Variants in DMD observed in about 807,000 individuals in gnomAD.
The protein encoded by DMD is mutant dystrophin.
A neutral mutation model predicts 330.1 loss-of-function variants in DMD; 63 were observed. That is an observed-to-expected ratio of 0.19 (90% CI 0.16 to 0.24). The LOEUF is 0.24. DMD is among the 10% of genes least tolerant of loss of function. The probability of loss-of-function intolerance (pLI) is 1.00; values close to 1 mark genes in which losing one functional copy is unlikely to be tolerated. For missense variants in DMD, 3,344 were observed against 2,684.1 expected (o/e 1.25, Z -5.43); for synonymous variants, 1,223 against 959.8 (o/e 1.27, Z -5.07).
chrX:32,336,046 ATATATAACGTTATATATAAC>A (rs2097712625), intron 41 of DMD, among the ~76,000 whole-genome samples: 1 of 36,594 alleles, frequency 2.7e-5, no homozygotes, highest in African/African-American at 7.3e-5. Context: ...TATAACGTGT[ATATATAACGTTATATATAAC>A]GTGTGTATAA....
chrX:31,956,930 G>C lies in DMD; in HGVS notation c.6614+11409C>G, dbSNP rs550172320. On this transcript the variant is annotated intron_variant, in intron 45 of 78. Transcript: ENST00000357033. ...GGGGGAAGTTCAGTTTTTGAATCTG[G>C]AATGAGTGACAGAATTATAAGGCAC... is the stretch of plus-strand genomic sequence containing the variant. Among the ~76,000 whole-genome samples the C allele has an allele frequency of 1.1e-4, 12 of 112,321 alleles. No homozygotes were observed. In the East Asian group the frequency reaches 2.8e-3, roughly 26 times the overall value.
At chrX:31,564,722 G>A (rs997058714) in intron 55 of DMD, among the ~76,000 whole-genome samples, 1 of 111,866 alleles carries the variant, frequency 8.9e-6, no homozygotes, top group Non-Finnish European at 1.9e-5. Context: ...CTTTCTGTGT[G>A]GAAAGTTATA....
intron 1 of DMD, among the ~76,000 whole-genome samples, chrX:33,023,981 A>C (rs778583654): frequency 8.9e-6 from 1 of 111,743 alleles, no homozygotes; most frequent in Non-Finnish European, 1.9e-5. Flanking sequence ...CTAAAATTTT[A>C]TACGTATTTA....
chrX:31,548,263 C>T (rs747351497), intron 55 of DMD, among the ~76,000 whole-genome samples: 12 of 111,670 alleles, frequency 1.1e-4, no homozygotes, highest in South Asian at 7.6e-4. Context: ...GAATCGCAGG[C>T]CTTGCCACAG....
intron 11 of DMD, among the ~76,000 whole-genome samples, chrX:32,629,347 T>C (rs938800630): frequency 8.9e-6 from 1 of 111,938 alleles, no homozygotes; most frequent in African/African-American, 3.2e-5. Context: ...TGTTCTTTTT[T>C]GGTTTCGATT....
chrX:32,610,728 C>CTA (rs1447197237), intron 12 of DMD, among the ~76,000 whole-genome samples: 2 of 110,303 alleles, frequency 1.8e-5, no homozygotes, highest in African/African-American at 6.6e-5. Context: ...GATTTAATGT[C>CTA]TATCTACACA....
At chrX:32,906,545 G>A (rs779030749) in intron 2 of DMD, among the ~76,000 whole-genome samples, 1 of 112,215 alleles carries the variant, frequency 8.9e-6, no homozygotes, top group East Asian at 2.8e-4. Flanking sequence ...CTAAGACAGA[G>A]CTAGCTTGCC....
At chrX:32,735,729 C>A (rs1383707184) in intron 7 of DMD, among the ~76,000 whole-genome samples, 1 of 112,051 alleles carries the variant, frequency 8.9e-6, no homozygotes, top group Non-Finnish European at 1.9e-5. Context: ...AAAGCTGAAA[C>A]TGGATCCCTT....
chrX:31,595,154 T>C (rs2077055583), intron 55 of DMD, among the ~76,000 whole-genome samples: 1 of 111,630 alleles, frequency 9.0e-6, no homozygotes, highest in South Asian at 3.7e-4. Context: ...TTGAAAATAT[T>C]AAGAATTTGA....
At chrX:31,287,977 G>C (rs1352108442) in intron 62 of DMD, among the ~76,000 whole-genome samples, 1 of 111,206 alleles carries the variant, frequency 9.0e-6, no homozygotes, top group East Asian at 2.8e-4. Context: ...ATCCAAACCA[G>C]GCTGTCCTCA....
chrX:32,622,505 T>C (rs776215066), intron 11 of DMD, among the ~76,000 whole-genome samples: 20 of 111,881 alleles, frequency 1.8e-4, no homozygotes, highest in Non-Finnish European at 3.8e-5. Flanking sequence ...AGATATTAGC[T>C]ACAAATATCA....
chrX:32,993,879 T>A (rs1001834508), intron 2 of DMD, among the ~76,000 whole-genome samples: 1 of 110,756 alleles, frequency 9.0e-6, no homozygotes, highest in South Asian at 3.8e-4. Flanking sequence ...AGCATACAAA[T>A]GTATTTAATA....
At chrX:31,216,702 T>C (rs2045445705) in intron 64 of DMD, among the ~76,000 whole-genome samples, 1 of 111,474 alleles carries the variant, frequency 9.0e-6, no homozygotes, top group African/African-American at 3.3e-5. Context: ...GTAAGCCATG[T>C]TATTGTGGGT....
intron 17 of DMD, among the ~76,000 whole-genome samples, chrX:32,525,978 C>T (rs1019055158): frequency 8.9e-6 from 1 of 111,806 alleles, no homozygotes; most frequent in Middle Eastern, 4.2e-3. Context: ...TTTTTCCCCA[C>T]TTTAACAACT....
At chrX:32,728,517 T>C (rs1174080342) in intron 7 of DMD, among the ~76,000 whole-genome samples, 1 of 111,772 alleles carries the variant, frequency 8.9e-6, no homozygotes, top group Non-Finnish European at 1.9e-5. Flanking sequence ...TATACGCAGC[T>C]GCTTTATTTG....
chrX:32,970,858 T>C (rs1207046397), intron 2 of DMD, among the ~76,000 whole-genome samples: 1 of 82,834 alleles, frequency 1.2e-5, no homozygotes, highest in African/African-American at 6.2e-5. Context: ...AAACAATTGC[T>C]AAAATATTTT....
At chrX:32,575,911 T>A (rs1247124051) in intron 13 of DMD, among the ~76,000 whole-genome samples, 3 of 112,033 alleles carry the variant, frequency 2.7e-5, no homozygotes, top group Non-Finnish European at 5.6e-5. Context: ...GCATCTTCTC[T>A]CTAGTGCTAC....
intron 2 of DMD, among the ~76,000 whole-genome samples, chrX:32,986,780 A>C (rs745353398): frequency 1.5e-4 from 16 of 109,331 alleles, no homozygotes; most frequent in African/African-American, 5.2e-4. Context: ...TCCAATTAAA[A>C]ATACACACAT....
intron 21 of DMD, among the ~76,000 whole-genome samples, chrX:32,483,804 AAACGACTCTG>A: frequency 1.2e-5 from 1 of 81,802 alleles, no homozygotes; most frequent in Non-Finnish European, 2.4e-5. Context: ...CCCTTAGCAA[AAACGACTCTG>A]AAGTACAAAA....
Sources: gnomAD v4.1 joint callset for allele counts (sites outside exome capture counted in the v4.1 genomes callset) on GRCh38, gnomAD v4.1.1 for gene constraint, MANE v1.5 for transcripts, NCBI Gene and HGNC (gene_info 2026-07-23, HGNC 2026-07-21) for gene names.